TUSC3: variants seen among roughly 807,000 people sequenced by gnomAD.
The protein encoded by TUSC3 is dolichyl-diphosphooligosaccharide--protein glycosyltransferase subunit TUSC3.
In TUSC3, 45 loss-of-function variants were observed where a neutral mutation model predicts 44.8. The observed-to-expected ratio is 1.00, with a 90% CI of 0.79 to 1.29. The LOEUF (loss-of-function observed/expected upper bound fraction) is 1.29, where lower values mean the gene tolerates loss of function less well. Ranked by LOEUF, TUSC3 falls within the 50% of genes most tolerant of loss-of-function variation. The pLI is 0.00. For synonymous variants in TUSC3, 212 were observed against 152.9 expected (o/e 1.39, Z -2.85); for missense variants, 519 against 437.9 (o/e 1.19, Z -1.65).
At chr8:15,781,445 T>A in the TUSC3 span, among the ~76,000 whole-genome samples, 1 of 152,006 alleles carries the variant, frequency 6.6e-6, no homozygotes, top group South Asian at 2.1e-4. Flanking sequence ...ACAATTAAAC[T>A]GTCAAAAGGT....
At chr8:15,533,966 G>A (rs1563276377) in intron 2 of TUSC3, among the ~76,000 whole-genome samples, 1 of 152,146 alleles carries the variant, frequency 6.6e-6, no homozygotes, top group African/African-American at 2.4e-5. Context: ...GCTGACATTA[G>A]CCATTACGCA....
At position 15,762,880 on chromosome 8, in the gene TUSC3, C is replaced by T. The variant is rs547559442; in HGVS notation, c.*47-1323C>T. On this transcript the variant is annotated intron_variant, in intron 10 of 10. Coordinates refer to ENST00000503731, the MANE Select transcript of TUSC3 (RefSeq NM_006765.4). ...ATTGAACAGCAACTACAGCTTAAGG[C>T]CCTGACAAGGTTTACTGCTGACATT... is the stretch of plus-strand genomic sequence containing the variant. Among the ~76,000 whole-genome samples the T allele has an allele frequency of 3.1e-5, 4 of 131,036 alleles. No homozygotes were observed. In the East Asian group the frequency reaches 7.2e-4, roughly 24 times the overall value. The allele number at this position is 131,036 out of a possible 152,430, so 86.0% of individuals were successfully genotyped here.
intron 1 of TUSC3, among the ~76,000 whole-genome samples, chr8:15,424,519 T>A (rs1799780604): frequency 6.6e-6 from 1 of 152,100 alleles, no homozygotes; most frequent in East Asian, 1.9e-4. Flanking sequence ...CAAACAAAAA[T>A]GACATCTGCC....
At chr8:15,467,879 T>G (rs1312076206) in intron 1 of TUSC3, among the ~76,000 whole-genome samples, 1 of 152,186 alleles carries the variant, frequency 6.6e-6, no homozygotes, top group Non-Finnish European at 1.5e-5. Context: ...AATATTCTAC[T>G]TAGAATTCAA....
intron 2 of TUSC3, among the ~76,000 whole-genome samples, chr8:15,505,446 A>G (rs923161658): frequency 1.3e-5 from 2 of 152,230 alleles, no homozygotes; most frequent in Non-Finnish European, 2.9e-5. Context: ...GCTGTTGCAT[A>G]ACCTTAGCAC....
chr8:15,726,159 G>A (rs1295984829), intron 6 of TUSC3, among the ~76,000 whole-genome samples: 1 of 152,076 alleles, frequency 6.6e-6, no homozygotes, highest in Non-Finnish European at 1.5e-5. Context: ...CAAGAATTCA[G>A]TAATAACTTA....
chr8:15,806,457 G>C, the TUSC3 span: 2 of 831,244 alleles, frequency 2.4e-6, no homozygotes, highest in South Asian at 2.6e-5. Flanking sequence ...ATGTTGTCTT[G>C]ACTTCCCTTA....
chr8:15,420,966 C>T (rs747932872), intron 1 of TUSC3, among the ~76,000 whole-genome samples: 4 of 152,148 alleles, frequency 2.6e-5, no homozygotes, highest in Non-Finnish European at 5.9e-5. Context: ...TTTGATTTAA[C>T]ACCCTTTATA....
the TUSC3 span, among the ~76,000 whole-genome samples, chr8:15,799,321 C>A: frequency 8.2e-4 from 125 of 152,230 alleles, no homozygotes; most frequent in East Asian, 0.02. Context: ...CCCAAAGTTT[C>A]CTCCTTTCAC....
chr8:15,583,776 A>T (rs951637121), intron 1 of TUSC3, among the ~76,000 whole-genome samples: 2 of 152,174 alleles, frequency 1.3e-5, no homozygotes, highest in African/African-American at 2.4e-5. Flanking sequence ...TTCTTAAGCA[A>T]GTATTGGAAG....
intron 1 of TUSC3, among the ~76,000 whole-genome samples, chr8:15,433,391 A>C (rs1799902124): frequency 6.6e-6 from 1 of 152,288 alleles, no homozygotes; most frequent in African/African-American, 2.4e-5. Context: ...TTCAGATATA[A>C]CTTACATAAA....
intron 1 of TUSC3, among the ~76,000 whole-genome samples, chr8:15,432,231 T>C (rs913598970): frequency 1.3e-5 from 2 of 152,148 alleles, no homozygotes; most frequent in South Asian, 4.1e-4. Context: ...GGAAGCCATC[T>C]GGTTTTAGGC....
chr8:15,536,607 G>T (rs1020155421), upstream of TUSC3, among the ~76,000 whole-genome samples: 1 of 146,380 alleles, frequency 6.8e-6, no homozygotes. Flanking sequence ...GCTTGAACCT[G>T]GGAGGCGGAG....
At chr8:15,550,042 G>A (rs532195872) in intron 1 of TUSC3, among the ~76,000 whole-genome samples, 1 of 151,792 alleles carries the variant, frequency 6.6e-6, no homozygotes, top group South Asian at 2.1e-4. Flanking sequence ...CACGGGGTAC[G>A]TGACTGGGGG....
chr8:15,499,148 G>T (rs1181945126), intron 2 of TUSC3, among the ~76,000 whole-genome samples: 5 of 151,750 alleles, frequency 3.3e-5, no homozygotes, highest in Non-Finnish European at 7.4e-5. Flanking sequence ...CTGGTTCACT[G>T]TGCCTCTTGT....
At chr8:15,839,239 C>A in the TUSC3 span, among the ~76,000 whole-genome samples, 1 of 152,160 alleles carries the variant, frequency 6.6e-6, no homozygotes, top group Non-Finnish European at 1.5e-5. Context: ...AGTTCCTTAT[C>A]AGCTTAAGGA....
At chr8:15,585,813 T>A (rs1228203373) in intron 1 of TUSC3, among the ~76,000 whole-genome samples, 4 of 152,180 alleles carry the variant, frequency 2.6e-5, no homozygotes, top group African/African-American at 7.2e-5. Flanking sequence ...TTGAAAAGAT[T>A]CAACGGAGGA....
At chr8:15,425,849 A>T (rs1261071831) in intron 1 of TUSC3, among the ~76,000 whole-genome samples, 1 of 152,184 alleles carries the variant, frequency 6.6e-6, no homozygotes, top group Non-Finnish European at 1.5e-5. Context: ...TGTCAAACTC[A>T]TAATTAAAAT....
intron 1 of TUSC3, among the ~76,000 whole-genome samples, chr8:15,580,447 G>A (rs1250889272): frequency 1.9e-4 from 10 of 51,920 alleles, no homozygotes; most frequent in African/African-American, 6.2e-4. Flanking sequence ...ATTTTGCAGC[G>A]GCTGGTACCG....
Sources: gnomAD v4.1 joint callset for allele counts (sites outside exome capture counted in the v4.1 genomes callset) on GRCh38, gnomAD v4.1.1 for gene constraint, MANE v1.5 for transcripts, NCBI Gene and HGNC (gene_info 2026-07-23, HGNC 2026-07-21) for gene names.